PDZK1: variants seen among roughly 807,000 people sequenced by gnomAD.
The protein encoded by PDZK1 is PDZ domain containing 1.
A neutral mutation model predicts 38.1 loss-of-function variants in PDZK1; 23 were observed. The observed-to-expected ratio is 0.60, with a 90% CI of 0.43 to 0.85. The LOEUF (loss-of-function observed/expected upper bound fraction) is 0.85. Ranked by LOEUF, PDZK1 falls within the 40% of genes least tolerant of loss-of-function variation. PDZK1 has a pLI of 0.00. For missense variants in PDZK1, 297 were observed against 504.3 expected (o/e 0.59, Z 3.94); for synonymous variants, 98 against 186.2 (o/e 0.53, Z 3.86).
chr1:145,695,433 GGAGAGAGA>G (rs1177821600), intron 1 of PDZK1, among the ~76,000 whole-genome samples: 1 of 150,490 alleles, frequency 6.6e-6, no homozygotes, highest in African/African-American at 2.4e-5. Flanking sequence ...GAGAGAAAGA[GGAGAGAGA>G]GAGAGAGAGA....
intron 1 of PDZK1, among the ~76,000 whole-genome samples, chr1:145,701,768 G>T (rs1655973485): frequency 6.6e-6 from 1 of 152,140 alleles, no homozygotes; most frequent in African/African-American, 2.4e-5. Flanking sequence ...CTGTATCTGA[G>T]CTGCTACTGA....
chr1:145,672,761 G>C lies in PDZK1; in HGVS notation c.1475C>G (p.Ser492Ter). ...TTTTGCCATGTGCGAGTCATGGTTTGACTCCACCACTATTCCTTCTTTAGA... is the reference window on the plus strand; with the variant it reads ...TTTTGCCATGTGCGAGTCATGGTTTCACTCCACCACTATTCCTTCTTTAGA... ...PDSKEGIVVE[S>*]NHDSHMAKER... The change falls in exon 8 of 9, where the codon TCA (serine) becomes TGA (stop). Residue 492 changes from serine (S) to a stop codon, truncating the protein, a stop_gained. Transcript: ENST00000417171. LOFTEE classifies it high-confidence loss of function. The C allele has an allele frequency of 6.2e-7, 1 of 1,611,894 alleles. No homozygotes were observed. The highest frequency in any genetic ancestry group is 1.1e-5 in the South Asian group (1 of 90,962).
At chr1:145,682,680 C>T (rs1553700654) in intron 3 of PDZK1, 44 bp from the exon 4 acceptor site, 2 of 1,545,644 alleles carry the variant, frequency 1.3e-6, no homozygotes, top group East Asian at 2.3e-5. Flanking sequence ...ACACAAGTGA[C>T]TCCCTCTTGG....
Position 145,671,479 on chromosome 1 carries a change from G to A in PDZK1, c.1517C>T (p.Thr506Ile), listed in dbSNP as rs1553697815. The change falls in exon 9 of 9, where the codon ACA becomes ATA. Residue 506 changes from threonine (T) to isoleucine (I), a missense_variant. Physicochemically the swap from Thr to Ile is moderately conservative, Grantham distance 89. Around this residue, in one of 5 missense-constraint regions of PDZK1, gnomAD observed 54 missense variants for 72.1 expected, o/e 0.75. Coordinates refer to ENST00000417171, the MANE Select transcript of PDZK1 (RefSeq NM_001201325.2). ...AGAATTGGAAGAAGAATGTGAGGCT[G>A]TACTGTGGGCCTGTGTATAAGAAAA... ...SHMAKERAHS[T>I]ASHSSSNSED... is the part of the protein sequence containing the mutation. 1.3e-6 allele frequency: 2 copies of A among 1,559,994 alleles called. No individual in the cohort carries two copies. The highest frequency in any genetic ancestry group is 2.7e-5 in the African/African-American group (2 of 73,714).
At chr1:145,693,471 T>TA (rs1655401495) in intron 1 of PDZK1, among the ~76,000 whole-genome samples, 1 of 151,690 alleles carries the variant, frequency 6.6e-6, no homozygotes, top group East Asian at 1.9e-4. Flanking sequence ...AACTAGAGCT[T>TA]AAAAATCACC....
At chr1:145,686,181 C>A (rs1180695669) in intron 3 of PDZK1, among the ~76,000 whole-genome samples, 1 of 152,272 alleles carries the variant, frequency 6.6e-6, no homozygotes, top group Non-Finnish European at 1.5e-5. Context: ...CCCTCTGGCC[C>A]CCTGACCTCA....
Position 145,698,334 on chromosome 1 carries a change from C to A in PDZK1, c.-3+8983G>T, listed in dbSNP as rs1465110470. ...AATCTAGATTTACATAAAATGTCCCCATTTAAAAAAACTGACAGCTATTTC... is the reference window on the plus strand; with the variant it reads ...AATCTAGATTTACATAAAATGTCCCAATTTAAAAAAACTGACAGCTATTTC... On this transcript the variant is annotated intron_variant, in intron 1 of 8. Transcript: ENST00000417171. 3.3e-5 allele frequency among the ~76,000 whole-genome samples: 5 copies of A among 152,072 alleles called. No homozygotes were observed. The East Asian group carries it at 9.7e-4, about 29-fold the overall frequency.
At chr1:145,693,577 A>G (rs1294881709) in intron 1 of PDZK1, among the ~76,000 whole-genome samples, 2 of 151,976 alleles carry the variant, frequency 1.3e-5, no homozygotes, top group African/African-American at 4.8e-5. Context: ...GATCGATACC[A>G]TCCTGGCTAA....
intron 8 of PDZK1, 153 bp from the exon 9 acceptor site, chr1:145,671,642 G>A (rs1653058074): frequency 3.7e-6 from 2 of 543,090 alleles, no homozygotes; most frequent in South Asian, 2.1e-5. Context: ...GTGTAGAGCT[G>A]ATAAATCAAG....
At chr1:145,704,705 C>A (rs183149295) in intron 1 of PDZK1, among the ~76,000 whole-genome samples, 1 of 152,138 alleles carries the variant, frequency 6.6e-6, no homozygotes, top group South Asian at 2.1e-4. Flanking sequence ...TCATGAAGGA[C>A]CAAAGAAAGA....
chr1:145,690,776 G>A (rs1230261830), intron 1 of PDZK1, among the ~76,000 whole-genome samples: 2 of 152,214 alleles, frequency 1.3e-5, no homozygotes, highest in African/African-American at 4.8e-5. Context: ...TGTTTGGAGA[G>A]AGGGGAAGAG....
At chr1:145,682,715 T>G in intron 3 of PDZK1, 79 bp from the exon 4 acceptor site, 16 of 1,371,748 alleles carry the variant, frequency 1.2e-5, no homozygotes, top group Non-Finnish European at 1.6e-5. Context: ...TGTTGACTTC[T>G]GATTAGCCCC....
At chr1:145,697,865 G>A (rs954221127) in intron 1 of PDZK1, among the ~76,000 whole-genome samples, 6 of 131,332 alleles carry the variant, frequency 4.6e-5, no homozygotes, top group South Asian at 2.6e-4. Context: ...TGGTCCGCCC[G>A]CCTCAGCCTC....
In PDZK1 at chr1:145,686,777, A is replaced by C. The variant is rs782143258; in HGVS notation, c.211-51T>G. 5.9e-5 allele frequency: 54 copies of C among 921,178 alleles called. 1 individual carries two copies. In the South Asian group the frequency reaches 9.0e-4, roughly 15 times the overall value. 57.1% of individuals were successfully genotyped at this position (921,178 alleles called of 1,614,324 possible). A position where few individuals can be genotyped will look rare whatever the true frequency, so the allele number is the denominator to read the frequency against. The stretch of plus-strand genomic sequence containing the variant: ...CTTTAATAACCCTCTGCCAACTGCC[A>C]GAGGGAAATGCTGACCATCTGGCTC... On this transcript the variant is annotated intron_variant, in intron 2 of 8. Transcript: ENST00000417171.
At chr1:145,697,938 A>G (rs1655731683) in intron 1 of PDZK1, among the ~76,000 whole-genome samples, 1 of 151,810 alleles carries the variant, frequency 6.6e-6, no homozygotes. Flanking sequence ...TATTTTTAAC[A>G]TTAAGGAAAC....
chr1:145,697,868 T>C (rs1553704412), intron 1 of PDZK1, among the ~76,000 whole-genome samples: 1 of 136,034 alleles, frequency 7.4e-6, no homozygotes, highest in Non-Finnish European at 1.5e-5. Context: ...TCCGCCCGCC[T>C]CAGCCTCCCA....
At chr1:145,687,043 A>G (rs1172980747) in intron 2 of PDZK1, among the ~76,000 whole-genome samples, 1 of 152,178 alleles carries the variant, frequency 6.6e-6, no homozygotes, top group East Asian at 1.9e-4. Flanking sequence ...GCATGGGGAC[A>G]GCACAGTGTA....
At chr1:145,687,388 G>A (rs1486999205) in intron 2 of PDZK1, among the ~76,000 whole-genome samples, 1 of 151,074 alleles carries the variant, frequency 6.6e-6, no homozygotes, top group Non-Finnish European at 1.5e-5. Context: ...AGCTGGGTGT[G>A]GTGGCGGGTG....
rs587662045 is a variant in PDZK1 at position 145,683,887 on chromosome 1, C to T, written c.461-1251G>A. ...TAACAGATGGAGTCTCGCTCTGTCA[C>T]CTAGGCTGGAACGCAGGGCCGCAAT... On this transcript the variant is annotated intron_variant, in intron 3 of 8. Transcript: ENST00000417171. 1.2e-4 allele frequency among the ~76,000 whole-genome samples: 18 copies of T among 151,158 alleles called. No individual in the cohort carries two copies. The South Asian group carries it at 3.6e-3, about 30-fold the overall frequency.
Sources: gnomAD v4.1 joint callset for allele counts (sites outside exome capture counted in the v4.1 genomes callset) on GRCh38, gnomAD v4.1.1 for gene constraint, gnomAD v4.1.1 regional missense constraint, MANE v1.5 for transcripts, NCBI Gene and HGNC (gene_info 2026-07-23, HGNC 2026-07-21) for gene names.